ZNF225: variants seen among roughly 807,000 people sequenced by gnomAD.
The protein encoded by ZNF225 is zinc finger protein 225.
A neutral mutation model predicts 12.0 loss-of-function variants in ZNF225; 6 were observed. That is an observed-to-expected ratio of 0.50 (90% CI 0.27 to 0.98). ZNF225 has a LOEUF of 0.98. Ranked by LOEUF, ZNF225 falls within the 50% of genes least tolerant of loss-of-function variation. The pLI is 0.11. For missense variants in ZNF225, 763 were observed against 848.2 expected (o/e 0.90, Z 1.25); for synonymous variants, 271 against 283.2 (o/e 0.96, Z 0.43).
At chr19:44,124,093 G>A (rs1392907694) in intron 4 of ZNF225, among the ~76,000 whole-genome samples, 1 of 151,886 alleles carries the variant, frequency 6.6e-6, no homozygotes, top group African/African-American at 2.4e-5. Flanking sequence ...AGTTCCTTGA[G>A]GTGTGATCTT....
In ZNF225 at chr19:44,115,785, G is replaced by C. The variant is rs112467012; in HGVS notation, c.-43G>C. ...GCAGGATTCTGCTTTCCCTTGGACT[G>C]TATCACTCAGGACTCTGAATATTCC... On this transcript the variant is annotated 5_prime_UTR_variant, in exon 2 of 5. Transcript: ENST00000262894. 4 of 1,607,336 alleles carry C rather than the reference G, an allele frequency of 2.5e-6. No individual in the cohort carries two copies. In the South Asian group the frequency reaches 4.4e-5, roughly 18 times the overall value.
intron 4 of ZNF225, among the ~76,000 whole-genome samples, chr19:44,126,167 G>A (rs1194189742): frequency 1.3e-5 from 2 of 152,198 alleles, no homozygotes; most frequent in Non-Finnish European, 2.9e-5. Context: ...ATTTGGGTAG[G>A]CTCTGTCAGA....
Position 44,131,846 on chromosome 19 carries a change from C to T in ZNF225, c.1232C>T (p.Thr411Ile), listed in dbSNP as rs1423534341. The T allele has an allele frequency of 1.2e-6, 2 of 1,612,638 alleles. No individual in the cohort carries two copies. The highest frequency in any genetic ancestry group is 1.7e-6 in the Non-Finnish European group (2 of 1,179,632). Residue 411 changes from threonine (T) to isoleucine (I), a missense_variant, in exon 5 of 5, where the codon ACA (threonine) becomes ATA (isoleucine). Physicochemically the swap from Thr to Ile is moderately conservative, Grantham distance 89. Transcript: ENST00000262894. ...GAAGAATGTGGGAAGGGATTTTATACAAATTCACAACGTTATTCTCACCAG... is the reference window on the plus strand; with the variant it reads ...GAAGAATGTGGGAAGGGATTTTATATAAATTCACAACGTTATTCTCACCAG... ...KCEECGKGFY[T>I]NSQRYSHQRA...
In ZNF225 at chr19:44,130,939, A is replaced by G. The variant is rs746356897; in HGVS notation, c.325A>G (p.Ser109Gly). The G allele has an allele frequency of 3.7e-6, 6 of 1,614,026 alleles. No individual in the cohort carries two copies. The highest frequency in any genetic ancestry group is 1.6e-4 in the Middle Eastern group (1 of 6,084). ...TCATCAAACCTGGGAACAAATTTCAAGTGACTTAACCAGGTTTCAAGACTC... is the reference window on the plus strand; with the variant it reads ...TCATCAAACCTGGGAACAAATTTCAGGTGACTTAACCAGGTTTCAAGACTC... ...FSHQTWEQIS[S>G]DLTRFQDSMV... is the part of the protein sequence containing the mutation. The change falls in exon 5 of 5, where the codon AGT (serine) becomes GGT (glycine). Residue 109 changes from serine to glycine, a missense_variant. Coordinates refer to ENST00000262894, the MANE Select transcript of ZNF225 (RefSeq NM_013362.4).
At chr19:44,124,906 T>G (rs1968119348) in intron 4 of ZNF225, among the ~76,000 whole-genome samples, 1 of 152,186 alleles carries the variant, frequency 6.6e-6, no homozygotes, top group South Asian at 2.1e-4. Flanking sequence ...ATATGACTCC[T>G]TACATGTTAG....
intron 4 of ZNF225, among the ~76,000 whole-genome samples, chr19:44,125,550 C>A (rs1356251407): frequency 6.6e-6 from 1 of 152,144 alleles, no homozygotes; most frequent in Non-Finnish European, 1.5e-5. Context: ...CCAAAGTGTT[C>A]TTTGTGCTTC....
Position 44,132,459 on chromosome 19 carries a change from G to C in ZNF225, c.1845G>C (p.Gln615His), listed in dbSNP as rs1599683820. 4 of 1,614,178 alleles carry C rather than the reference G, an allele frequency of 2.5e-6. No homozygotes were observed. ...AGAATTCACAGCTTCATTCCCATCA[G>C]AGGGTTCACACTGGGGAAAAGCCAT... ...FTENSQLHSH[Q>H]RVHTGEKPYK... is the part of the protein sequence containing the mutation. Residue 615 changes from glutamine to histidine, a missense_variant, in exon 5 of 5, where the codon CAG becomes CAC. Gln to His is a conservative substitution (Grantham distance 24). Transcript: ENST00000262894.
At chr19:44,129,655 A>G (rs1968208979) in intron 4 of ZNF225, 1 of 152,214 alleles carries the variant, frequency 6.6e-6, no homozygotes, top group African/African-American at 2.4e-5. Context: ...GCCTCACCAT[A>G]AATCACATTG....
At chr19:44,130,798 C>T in intron 4 of ZNF225, 52 bp from the exon 5 acceptor site, 1 of 1,425,330 alleles carries the variant, frequency 7.0e-7, no homozygotes, top group Non-Finnish European at 9.4e-7. Context: ...ATCTTGATAA[C>T]ACTGAATAAA....
intron 4 of ZNF225, among the ~76,000 whole-genome samples, chr19:44,120,966 G>A (rs1488176857): frequency 2.6e-5 from 4 of 151,686 alleles, no homozygotes; most frequent in African/African-American, 9.7e-5. Context: ...GTGCCATCTC[G>A]GCTCACTGCA....
chr19:44,133,983 C>T lies in ZNF225; in HGVS notation c.*1248C>T, dbSNP rs1323308882. Reference sequence around the variant, plus strand: ...AGGATGCTAGGTACTTTATGAAGATCCATGCTGTCTCAATTTGCATAGTGG... The same window carrying T: ...AGGATGCTAGGTACTTTATGAAGATTCATGCTGTCTCAATTTGCATAGTGG... On this transcript the variant is annotated 3_prime_UTR_variant, in exon 5 of 5. Transcript: ENST00000262894. 1 of 151,948 alleles carries T rather than the reference C, an allele frequency of 6.6e-6. No individual in the cohort carries two copies. Among genetic ancestry groups the T allele is most frequent in the African/African-American group, 2.4e-5 (1 of 41,366 alleles). 9.4% of individuals were successfully genotyped at this position (151,948 alleles called of 1,614,324 possible). A position where few individuals can be genotyped will look rare whatever the true frequency, so the allele number is the denominator to read the frequency against.
In ZNF225 at chr19:44,131,962, C is replaced by T; in HGVS notation, c.1348C>T (p.His450Tyr). The change falls in exon 5 of 5, where the codon CAC becomes TAC. Residue 450 changes from histidine (H) to tyrosine (Y), a missense_variant. By Grantham distance (83) the His-to-Tyr change is moderately conservative. Transcript: ENST00000262894. Reference sequence around the variant, plus strand: ...GGATCTTGACTTTCATCAGAGGGTCCACAGAGGAGAGAAACCCTATAATTG... The same window carrying T: ...GGATCTTGACTTTCATCAGAGGGTCTACAGAGGAGAGAAACCCTATAATTG... ...RLDLDFHQRV[H>Y]RGEKPYNCKE... The T allele has an allele frequency of 6.2e-7, 1 of 1,613,740 alleles. No individual in the cohort carries two copies. The highest frequency in any genetic ancestry group is 8.5e-7 in the Non-Finnish European group (1 of 1,179,954).
At chr19:44,122,256 CT>C (rs1156909215) in intron 4 of ZNF225, among the ~76,000 whole-genome samples, 2 of 152,182 alleles carry the variant, frequency 1.3e-5, no homozygotes, top group African/African-American at 4.8e-5. Context: ...AAAGGGTGTC[CT>C]TTCCCCCACT....
intron 4 of ZNF225, chr19:44,129,827 T>C (rs946883546): frequency 3.9e-5 from 6 of 152,228 alleles, no homozygotes; most frequent in Non-Finnish European, 8.8e-5. Flanking sequence ...GACTGAGAGA[T>C]TGCCTCTCAG....
At position 44,132,708 on chromosome 19, in the gene ZNF225, T is replaced by C; in HGVS notation, c.2094T>C (p.Leu698=). ...RYKRRLNLDT[L]LSLFLNDT Reference sequence around the variant, plus strand: ...AGAGGCGCTTGAATCTTGATACGCTTTTGTCATTATTTTTAAATGACACAT... The same window carrying C: ...AGAGGCGCTTGAATCTTGATACGCTCTTGTCATTATTTTTAAATGACACAT... The change falls in exon 5 of 5, where the codon CTT becomes CTC. Residue 698 remains leucine (L), a synonymous_variant. Transcript: ENST00000262894. 1.2e-6 allele frequency: 2 copies of C among 1,602,706 alleles called. No homozygotes were observed. Among genetic ancestry groups the C allele is most frequent in the Non-Finnish European group, 1.7e-6 (2 of 1,175,634 alleles).
intron 2 of ZNF225, 130 bp from the exon 3 acceptor site, chr19:44,118,058 T>G: frequency 1.2e-6 from 1 of 858,968 alleles, no homozygotes. Context: ...AAAAAGGAAG[T>G]CTGTGTGTTG....
chr19:44,114,128 G>A, intron 1 of ZNF225: 1 of 759,844 alleles, frequency 1.3e-6, no homozygotes, highest in Non-Finnish European at 2.1e-6. Context: ...CGGTCAGAGT[G>A]TTTCACAGCC....
chr19:44,129,715 A>G (rs879605329), intron 4 of ZNF225: 2 of 152,138 alleles, frequency 1.3e-5, no homozygotes, highest in Non-Finnish European at 2.9e-5. Flanking sequence ...AGGTGTGGCC[A>G]CCCATAATCC....
chr19:44,132,613 C>A lies in ZNF225; in HGVS notation c.1999C>A (p.Leu667Ile), dbSNP rs764246187. 1 of 1,613,938 alleles carries A rather than the reference C, an allele frequency of 6.2e-7. No homozygotes were observed. The highest frequency in any genetic ancestry group is 1.1e-5 in the South Asian group (1 of 91,046). Residue 667 changes from leucine (L) to isoleucine (I), a missense_variant, in exon 5 of 5, where the codon CTT becomes ATT. Physicochemically the swap from Leu to Ile is conservative, Grantham distance 5. Coordinates refer to ENST00000262894, the MANE Select transcript of ZNF225 (RefSeq NM_013362.4). The stretch of plus-strand genomic sequence containing the variant: ...GAAGAGCATTGTGCACAGTTCATGC[C>A]TTAAAGACCAACAAAGAGACCAAAG... The part of the protein sequence containing the change: ...CGKSIVHSSC[L>I]KDQQRDQSGE...
Sources: allele counts gnomAD v4.1 joint callset (sites outside exome capture counted in the v4.1 genomes callset), GRCh38; gene constraint gnomAD v4.1.1; transcripts MANE v1.5; gene names NCBI Gene and HGNC (gene_info 2026-07-23, HGNC 2026-07-21).